The following ZFYVE27 variants were observed in gnomAD, a reference collection of about 807,000 sequenced individuals.
The protein encoded by ZFYVE27 is zinc finger FYVE-type containing 27.
A neutral mutation model predicts 52.8 loss-of-function variants in ZFYVE27; 36 were observed. That is an observed-to-expected ratio of 0.68 (90% CI 0.52 to 0.90). The LOEUF is 0.90. Ranked by LOEUF, ZFYVE27 falls within the 40% of genes least tolerant of loss-of-function variation. ZFYVE27 has a pLI of 0.00. For synonymous variants in ZFYVE27, 223 were observed against 215.6 expected (o/e 1.03, Z -0.30); for missense variants, 450 against 527.2 (o/e 0.85, Z 1.43).
At position 97,744,757 on chromosome 10, in the gene ZFYVE27, G is replaced by T. The variant is rs2044714027; in HGVS notation, c.297G>T (p.Met99Ile). 6.2e-7 allele frequency: 1 copy of T among 1,613,808 alleles called. No homozygotes were observed. Among genetic ancestry groups the T allele is most frequent in the Non-Finnish European group, 8.5e-7 (1 of 1,180,048 alleles). The change falls in exon 4 of 13, where the codon ATG becomes ATT. Residue 99 changes from methionine (M) to isoleucine (I), a missense_variant. By Grantham distance (10) the Met-to-Ile change is conservative (BLOSUM62 1). Coordinates refer to ENST00000684270, the MANE Select transcript of ZFYVE27 (RefSeq NM_001385875.1). ...CATGGTACTCAGTAGGTGCCCTGAT[G>T]ATTTCAGTGCCCGCCCTGCTGGGCT... ...EGAWYSVGAL[M>I]ISVPALLGYL...
chr10:97,759,096 G>A lies in ZFYVE27; in HGVS notation c.1172-140G>A, dbSNP rs541123968. ...CCCATGGAAAGAAGAATCTCTGCGGGCAGGCTAGCAAGCTGGGCAGGGAGG... is the reference window on the plus strand; with the variant it reads ...CCCATGGAAAGAAGAATCTCTGCGGACAGGCTAGCAAGCTGGGCAGGGAGG... On this transcript the variant is annotated intron_variant, in intron 12 of 12. Transcript: ENST00000684270. 9 of 851,548 alleles carry A rather than the reference G, an allele frequency of 1.1e-5. No individual in the cohort carries two copies. In the East Asian group the frequency reaches 2.1e-4, roughly 20 times the overall value. The allele number at this position is 851,548 out of a possible 1,614,324, so 52.7% of individuals were successfully genotyped here.
In ZFYVE27 at chr10:97,738,541, C is replaced by T. The variant is rs774324353; in HGVS notation, c.64C>T (p.Pro22Ser). 1.9e-6 allele frequency: 3 copies of T among 1,614,208 alleles called. No individual in the cohort carries two copies. In the South Asian group the frequency reaches 3.3e-5, roughly 18 times the overall value. Residue 22 changes from proline to serine, a missense_variant, in exon 2 of 13, where the codon CCC (proline) becomes TCC (serine). Pro to Ser is a moderately conservative substitution (Grantham distance 74). Coordinates refer to ENST00000684270, the MANE Select transcript of ZFYVE27 (RefSeq NM_001385875.1). ...GAGCCCCAGCGTGATGCCCGAGGCT[C>T]CCCTGGAGTCTCCACCTTTTCCTAC... is the stretch of plus-strand genomic sequence containing the variant. Reference protein sequence around the residue: ...ELSPSVMPEAPLESPPFPTKS... With the variant: ...ELSPSVMPEASLESPPFPTKS...
intron 10 of ZFYVE27, among the ~76,000 whole-genome samples, chr10:97,754,014 A>G (rs1255715652): frequency 6.6e-6 from 1 of 152,112 alleles, no homozygotes; most frequent in Non-Finnish European, 1.5e-5. Context: ...TATGGTGGAA[A>G]CCTAGAGTAG....
chr10:97,752,396 T>C (rs953000338), intron 8 of ZFYVE27, among the ~76,000 whole-genome samples: 4 of 152,144 alleles, frequency 2.6e-5, no homozygotes, highest in African/African-American at 7.2e-5. Context: ...TCCAAAACTT[T>C]GATATATGAT....
Position 97,749,461 on chromosome 10 carries a change from C to T in ZFYVE27, c.552-13C>T, listed in dbSNP as rs200091871. On this transcript the variant is annotated splice_polypyrimidine_tract_variant and intron_variant, in intron 5 of 12. Transcript: ENST00000684270. ...ACGAATTTCTGATCTTGTGGTTCTTCCCTGTCATCCAGGTTCTATGGGGCT... is the reference window on the plus strand; with the variant it reads ...ACGAATTTCTGATCTTGTGGTTCTTTCCTGTCATCCAGGTTCTATGGGGCT... The T allele has an allele frequency of 1.2e-6, 2 of 1,607,674 alleles. No individual in the cohort carries two copies. Among genetic ancestry groups the T allele is most frequent in the African/African-American group, 1.3e-5 (1 of 74,762 alleles).
intron 8 of ZFYVE27, among the ~76,000 whole-genome samples, chr10:97,751,782 G>T (rs146614080): frequency 1.0e-3 from 152 of 152,270 alleles, no homozygotes; most frequent in African/African-American, 3.5e-3. Context: ...TTTTGAGGAG[G>T]CTACTGCCCT....
At chr10:97,756,932 C>A (rs1222317765) in intron 10 of ZFYVE27, among the ~76,000 whole-genome samples, 1 of 152,178 alleles carries the variant, frequency 6.6e-6, no homozygotes, top group East Asian at 1.9e-4. Context: ...TGCCTGTGGT[C>A]AGGTCCCTGC....
intron 10 of ZFYVE27, 38 bp downstream of exon 10, chr10:97,753,220 G>A (rs769904813): frequency 1.3e-6 from 2 of 1,595,652 alleles, no homozygotes; most frequent in Admixed American, 1.7e-5. Flanking sequence ...GTGGGGGAGT[G>A]GGGGTGGACT....
intron 3 of ZFYVE27, among the ~76,000 whole-genome samples, chr10:97,743,564 A>G (rs530273156): frequency 7.4e-4 from 113 of 152,210 alleles, no homozygotes; most frequent in Admixed American, 1.4e-3. Flanking sequence ...CTGAGGATGC[A>G]TTGACCTTTT....
At position 97,747,001 on chromosome 10, in the gene ZFYVE27, C is replaced by A. The variant is rs58367956; in HGVS notation, c.456-1268C>A. 2.2e-3 allele frequency among the ~76,000 whole-genome samples: 334 copies of A among 152,270 alleles called. 1 individual carries two copies. The highest frequency in any genetic ancestry group is 7.6e-3 in the African/African-American group (316 of 41,540). ...CCAGTGTGGGTGTCCTAATAAAGTT[C>A]TTTGTATCAGTTTCCCTGATCTGGG... On this transcript the variant is annotated intron_variant, in intron 4 of 12. Transcript: ENST00000684270.
intron 4 of ZFYVE27, among the ~76,000 whole-genome samples, chr10:97,746,072 A>C (rs1378115060): frequency 7.1e-6 from 1 of 141,652 alleles, no homozygotes; most frequent in African/African-American, 2.6e-5. Context: ...TTTTTGAGAC[A>C]GAGTCTTGTT....
chr10:97,757,072 C>T, intron 10 of ZFYVE27, 193 bp from the exon 11 acceptor site: 1 of 673,774 alleles, frequency 1.5e-6, no homozygotes, highest in Non-Finnish European at 2.6e-6. Context: ...AGACATCAGT[C>T]CTCAGGGGCT....
Position 97,749,558 on chromosome 10 carries a change from C to G in ZFYVE27, c.636C>G (p.Leu212=). The change falls in exon 6 of 13, where the codon CTC becomes CTG. Residue 212 remains leucine, a synonymous_variant. Transcript: ENST00000684270. ...TTCTCACCCTTTTAAACAGCACGCT[C>G]TTTCTGGGGAATGTGGAGTTCTTCC... The part of the protein sequence containing the change: ...CWVLTLLNST[L]FLGNVEFFRV... 6.2e-7 allele frequency: 1 copy of G among 1,614,188 alleles called. No homozygotes were observed. Among genetic ancestry groups the G allele is most frequent in the Non-Finnish European group, 8.5e-7 (1 of 1,180,014 alleles).
intron 10 of ZFYVE27, 160 bp from the exon 11 acceptor site, chr10:97,757,105 C>A: frequency 1.1e-6 from 1 of 903,254 alleles, no homozygotes; most frequent in Non-Finnish European, 1.7e-6. Flanking sequence ...AGTTTGAGTC[C>A]TTCTTTCTGT....
chr10:97,738,615 G>T lies in ZFYVE27; in HGVS notation c.138G>T (p.Arg46Ser), dbSNP rs376483712. ...DLFNLVLSYK[R>S]LEIYLEPLKD... is the part of the protein sequence containing the mutation. ...TCAACTTGGTTCTCTCCTACAAGAG[G>T]CTGGAGATCTACCTGGAACCCTTGA... Residue 46 changes from arginine to serine, a missense_variant, in exon 2 of 13, where the codon AGG becomes AGT. Coordinates refer to ENST00000684270, the MANE Select transcript of ZFYVE27 (RefSeq NM_001385875.1). The T allele has an allele frequency of 1.1e-5, 18 of 1,614,020 alleles. No homozygotes were observed. In the African/African-American group the frequency reaches 1.9e-4, roughly 17 times the overall value.
At chr10:97,759,197 C>T (rs1163823917) in intron 12 of ZFYVE27, 39 bp from the exon 13 acceptor site, 41 of 1,611,914 alleles carry the variant, frequency 2.5e-5, no homozygotes, top group African/African-American at 5.3e-5. Context: ...AACCAAAGGG[C>T]GCAAGGAAAT....
chr10:97,752,698 T>G (rs570248833), intron 8 of ZFYVE27, among the ~76,000 whole-genome samples, 159 bp from the exon 9 acceptor site: 14 of 152,274 alleles, frequency 9.2e-5, no homozygotes, highest in African/African-American at 2.4e-4. Context: ...GATCCTCTTG[T>G]GGGGGGCGTC....
chr10:97,747,431 TAATC>T (rs1280036026), intron 4 of ZFYVE27, among the ~76,000 whole-genome samples: 1 of 152,260 alleles, frequency 6.6e-6, no homozygotes, highest in African/African-American at 2.4e-5. Flanking sequence ...GGTCTTGCCT[TAATC>T]AGTTTATTAC....
chr10:97,742,384 G>A (rs1696056172), intron 2 of ZFYVE27, among the ~76,000 whole-genome samples: 1 of 152,084 alleles, frequency 6.6e-6, no homozygotes, highest in Non-Finnish European at 1.5e-5. Context: ...TCCCTGTTTG[G>A]GGGCTTCTGC....
Sources: allele counts gnomAD v4.1 joint callset (sites outside exome capture counted in the v4.1 genomes callset), GRCh38; gene constraint gnomAD v4.1.1; transcripts MANE v1.5; gene names NCBI Gene and HGNC (gene_info 2026-07-23, HGNC 2026-07-21).